PLXDC2: variants seen among roughly 807,000 people sequenced by gnomAD.
PLXDC2 encodes the protein plexin domain containing 2.
In PLXDC2, 40 loss-of-function variants were observed where a neutral mutation model predicts 68.9. That is an observed-to-expected ratio of 0.58 (90% CI 0.45 to 0.76). The LOEUF (loss-of-function observed/expected upper bound fraction) is 0.76, where lower values mean the gene tolerates loss of function less well. Among genes scored for constraint, PLXDC2 ranks in the 30% least tolerant of loss-of-function variants. The pLI is 0.00. For missense variants in PLXDC2, 644 were observed against 661.9 expected, an observed-to-expected ratio of 0.97 and a Z score of 0.30; for synonymous variants, 243 against 234.2, an observed-to-expected ratio of 1.04 and a Z score of -0.34.
At chr10:20,073,655 T>C (rs1186336028) in intron 4 of PLXDC2, among the ~76,000 whole-genome samples, 2 of 152,218 alleles carry the variant, frequency 1.3e-5, no homozygotes, top group African/African-American at 4.8e-5. Flanking sequence ...AGCATTCATT[T>C]ATCTTTCTAT....
intron 3 of PLXDC2, among the ~76,000 whole-genome samples, chr10:20,060,374 G>A (rs558708793): frequency 8.6e-5 from 13 of 151,322 alleles, no homozygotes; most frequent in Middle Eastern, 3.4e-3. Flanking sequence ...AATAAAGCAC[G>A]AAATGACCAT....
At chr10:19,988,984 T>C (rs114842318) in intron 1 of PLXDC2, among the ~76,000 whole-genome samples, 1,691 of 151,662 alleles carry the variant, frequency 0.011, 21 homozygotes, top group African/African-American at 0.037. Context: ...TTAGTAGAGA[T>C]GAAATTTCAC....
chr10:20,200,117 A>G (rs1479270124), intron 9 of PLXDC2, among the ~76,000 whole-genome samples: 1 of 151,106 alleles, frequency 6.6e-6, no homozygotes, highest in Non-Finnish European at 1.5e-5. Context: ...CTATGTAAAT[A>G]TACAAACTGC....
At chr10:20,177,489 C>G in intron 9 of PLXDC2, 80 bp downstream of exon 9, 2 of 663,930 alleles carry the variant, frequency 3.0e-6, no homozygotes, top group Non-Finnish European at 4.2e-6. Flanking sequence ...AACTTATGGA[C>G]AGGTGCAGTG....
rs868413971 is a variant in PLXDC2, at chr10:19,838,622, G to A, written c.112+21431G>A. ...ATAGAAATGTTTGCTATAAAAGCCT[G>A]TTTTGGAAATTGAGTGTGACAGTGT... On this transcript the variant is annotated intron_variant, in intron 1 of 13. Transcript: ENST00000377252. Among the ~76,000 whole-genome samples, 6 of 152,234 alleles carry A rather than the reference G, an allele frequency of 3.9e-5. No individual in the cohort carries two copies. The South Asian group carries it at 1.2e-3, about 31-fold the overall frequency.
At chr10:20,188,226 T>C (rs532714741) in intron 9 of PLXDC2, among the ~76,000 whole-genome samples, 1 of 151,720 alleles carries the variant, frequency 6.6e-6, no homozygotes, top group African/African-American at 2.4e-5. Context: ...GGCTGTACTT[T>C]GTATTCATTA....
intron 2 of PLXDC2, among the ~76,000 whole-genome samples, chr10:20,039,344 A>C (rs1424711499): frequency 6.6e-6 from 1 of 152,208 alleles, no homozygotes; most frequent in Non-Finnish European, 1.5e-5. Flanking sequence ...ATTTTACGGC[A>C]TTTCTTTTAA....
chr10:19,921,557 A>T (rs1833462405), intron 1 of PLXDC2, among the ~76,000 whole-genome samples: 1 of 152,224 alleles, frequency 6.6e-6, no homozygotes, highest in Non-Finnish European at 1.5e-5. Context: ...ATCATTACGT[A>T]ACCAGACAAA....
intron 1 of PLXDC2, among the ~76,000 whole-genome samples, chr10:19,969,854 C>G (rs1233609276): frequency 2.0e-5 from 3 of 152,176 alleles, no homozygotes; most frequent in Non-Finnish European, 4.4e-5. Flanking sequence ...TTAAAATGCC[C>G]TGTTTTTGGA....
chr10:19,872,721 T>G (rs1370662585), intron 1 of PLXDC2, among the ~76,000 whole-genome samples: 1 of 151,780 alleles, frequency 6.6e-6, no homozygotes, highest in Non-Finnish European at 1.5e-5. Context: ...GTGGGGGTGA[T>G]TGGGCTTGGG....
At chr10:19,837,405 AGAGAGTGTGTGTGTGT>A (rs1478554049) in intron 1 of PLXDC2, among the ~76,000 whole-genome samples, 18 of 44,962 alleles carry the variant, frequency 4.0e-4, no homozygotes, top group Admixed American at 3.4e-3. Flanking sequence ...AGAGAGAGAG[AGAGAGTGTGTGTGTGT>A]GTGTGTGTGT....
chr10:20,188,303 C>G (rs11011844), intron 9 of PLXDC2, among the ~76,000 whole-genome samples: 32,297 of 151,522 alleles, frequency 0.21, 4,599 homozygotes, highest in East Asian at 0.4. Flanking sequence ...ATCCTATTCT[C>G]TACTTCTATG....
At chr10:19,952,926 A>G (rs1254468337) in intron 1 of PLXDC2, among the ~76,000 whole-genome samples, 3 of 151,642 alleles carry the variant, frequency 2.0e-5, no homozygotes, top group South Asian at 2.1e-4. Flanking sequence ...TTTTGTTTTG[A>G]TGATCTCAGC....
intron 4 of PLXDC2, among the ~76,000 whole-genome samples, chr10:20,107,735 G>A (rs894082735): frequency 6.6e-6 from 1 of 152,066 alleles, no homozygotes; most frequent in African/African-American, 2.4e-5. Flanking sequence ...TTGAGTATTA[G>A]AGTTTATTCA....
intron 7 of PLXDC2, among the ~76,000 whole-genome samples, chr10:20,166,615 G>C (rs1041318830): frequency 6.6e-6 from 1 of 151,964 alleles, no homozygotes; most frequent in Non-Finnish European, 1.5e-5. Context: ...TAATTTATTA[G>C]TTGCTTTTTT....
intron 1 of PLXDC2, among the ~76,000 whole-genome samples, chr10:19,827,893 G>C (rs2131306667): frequency 6.6e-6 from 1 of 152,292 alleles, no homozygotes. Context: ...CTATTTGACT[G>C]TGACCTTTTT....
chr10:19,931,808 G>C (rs1259774982), intron 1 of PLXDC2, among the ~76,000 whole-genome samples: 1 of 152,072 alleles, frequency 6.6e-6, no homozygotes, highest in African/African-American at 2.4e-5. Context: ...GCAGTTTCAG[G>C]CTTGTCTCCA....
intron 1 of PLXDC2, among the ~76,000 whole-genome samples, chr10:19,916,360 A>T: frequency 6.9e-6 from 1 of 144,686 alleles, no homozygotes; most frequent in East Asian, 2.0e-4. Flanking sequence ...CGTTGGCCAA[A>T]CTGGTCTTGA....
At chr10:20,126,357 G>T (rs1024820088) in intron 4 of PLXDC2, among the ~76,000 whole-genome samples, 1 of 138,828 alleles carries the variant, frequency 7.2e-6, no homozygotes, top group South Asian at 2.2e-4. Context: ...ATATACATAT[G>T]TGTTATATAA....
Sources: allele counts gnomAD v4.1 joint callset (sites outside exome capture counted in the v4.1 genomes callset), GRCh38; gene constraint gnomAD v4.1.1; transcripts MANE v1.5; gene names NCBI Gene and HGNC (gene_info 2026-07-23, HGNC 2026-07-21).